CELF2: variants seen among roughly 807,000 people sequenced by gnomAD.
CELF2 encodes the protein CUG triplet repeat RNA-binding protein 2.
A neutral mutation model predicts 62.6 loss-of-function variants in CELF2; 8 were observed. The observed-to-expected ratio is 0.13, with a 90% CI of 0.07 to 0.23. CELF2 has a LOEUF of 0.23. Ranked by LOEUF, CELF2 falls within the 10% of genes least tolerant of loss-of-function variation. The pLI, the probability that CELF2 is intolerant of heterozygous loss-of-function variation, is 1.00. For missense variants in CELF2, 333 were observed against 671.0 expected, an observed-to-expected ratio of 0.50 and a Z score of 5.56; for synonymous variants, 258 against 250.0, an observed-to-expected ratio of 1.03 and a Z score of -0.30.
chr10:11,307,402 G>A (rs2094303795), intron 9 of CELF2, among the ~76,000 whole-genome samples: 1 of 152,252 alleles, frequency 6.6e-6, no homozygotes, highest in Non-Finnish European at 1.5e-5. Context: ...ATCAGTGGCT[G>A]TGCAGTCATC....
At chr10:10,998,243 C>A (rs569703469) in intron 2 of CELF2, among the ~76,000 whole-genome samples, 5 of 152,272 alleles carry the variant, frequency 3.3e-5, no homozygotes, top group Admixed American at 6.5e-5. Flanking sequence ...AGCCCCAAAC[C>A]TTTCATGGCT....
chr10:11,276,834 G>A (rs1428532535), intron 8 of CELF2, among the ~76,000 whole-genome samples: 1 of 152,258 alleles, frequency 6.6e-6, no homozygotes, highest in East Asian at 1.9e-4. Flanking sequence ...AGGTCAGGAT[G>A]CCAGCCCCTG....
chr10:11,114,682 G>A (rs2143444132), intron 1 of CELF2, among the ~76,000 whole-genome samples: 1 of 152,302 alleles, frequency 6.6e-6, no homozygotes. Flanking sequence ...AGTGGCAATG[G>A]GTTGGCCACA....
At chr10:10,556,036 T>A in the CELF2 span, among the ~76,000 whole-genome samples, 9 of 152,024 alleles carry the variant, frequency 5.9e-5, no homozygotes, top group South Asian at 2.1e-4. Context: ...CATTTTAAAA[T>A]TTTTTTTTAT....
chr10:11,130,239 AGTTT>A (rs1564863048), intron 1 of CELF2, among the ~76,000 whole-genome samples: 2 of 152,302 alleles, frequency 1.3e-5, no homozygotes, highest in East Asian at 3.9e-4. Context: ...TCTGAGAAAC[AGTTT>A]GTTGTAATTT....
chr10:10,585,070 A>T, the CELF2 span, among the ~76,000 whole-genome samples: 1 of 152,184 alleles, frequency 6.6e-6, no homozygotes, highest in African/African-American at 2.4e-5. Context: ...TCATCTAGTA[A>T]AATAGCCCTT....
At chr10:10,673,848 C>T in the CELF2 span, among the ~76,000 whole-genome samples, 1 of 151,964 alleles carries the variant, frequency 6.6e-6, no homozygotes, top group Non-Finnish European at 1.5e-5. Flanking sequence ...TCTCTTTTAT[C>T]ATTGATTTCT....
the CELF2 span, among the ~76,000 whole-genome samples, chr10:10,778,708 T>TA: frequency 1.3e-5 from 2 of 152,170 alleles, no homozygotes; most frequent in Non-Finnish European, 2.9e-5. Context: ...TAAATATATG[T>TA]AAAAAATGAA....
chr10:11,116,100 C>T (rs114283257), intron 1 of CELF2, among the ~76,000 whole-genome samples: 8,446 of 152,108 alleles, frequency 0.056, 272 homozygotes, highest in Middle Eastern at 0.065. Context: ...CGTAATTTCT[C>T]GATAAAATCC....
the CELF2 span, among the ~76,000 whole-genome samples, chr10:10,486,395 A>G: frequency 6.6e-6 from 1 of 152,238 alleles, no homozygotes; most frequent in Non-Finnish European, 1.5e-5. Context: ...GCTAAACATC[A>G]GAGCTCAAAT....
At chr10:10,620,293 G>A in the CELF2 span, among the ~76,000 whole-genome samples, 1 of 152,066 alleles carries the variant, frequency 6.6e-6, no homozygotes, top group Non-Finnish European at 1.5e-5. Context: ...AGCTACACAG[G>A]AGGCTGAGGT....
chr10:11,129,427 T>C (rs2059269329), intron 1 of CELF2, among the ~76,000 whole-genome samples: 1 of 152,220 alleles, frequency 6.6e-6, no homozygotes, highest in South Asian at 2.1e-4. Flanking sequence ...CTTTTTCTAT[T>C]GATTGGAATA....
At chr10:11,257,922 C>G in intron 5 of CELF2, 50 bp downstream of exon 5, 6 of 1,605,682 alleles carry the variant, frequency 3.7e-6, no homozygotes, top group Non-Finnish European at 5.1e-6. Context: ...AATTGGAGCT[C>G]TGTGTCACAG....
intron 1 of CELF2, among the ~76,000 whole-genome samples, chr10:11,146,810 G>A (rs76934232): frequency 0.056 from 8,532 of 152,260 alleles, 287 homozygotes; most frequent in African/African-American, 0.087. Flanking sequence ...CACATCCCCA[G>A]GTGTGTTTAT....
intron 1 of CELF2, among the ~76,000 whole-genome samples, chr10:11,060,375 T>A (rs1301357804): frequency 6.6e-6 from 1 of 152,224 alleles, no homozygotes. Flanking sequence ...AAGGTACAAG[T>A]ATGCCAGATT....
the CELF2 span, among the ~76,000 whole-genome samples, chr10:10,772,327 C>A: frequency 6.6e-6 from 1 of 152,116 alleles, no homozygotes; most frequent in Non-Finnish European, 1.5e-5. Flanking sequence ...GCTCTCTAAG[C>A]CTAGTTTCAA....
At chr10:10,710,808 C>G in the CELF2 span, among the ~76,000 whole-genome samples, 4 of 152,100 alleles carry the variant, frequency 2.6e-5, no homozygotes, top group Non-Finnish European at 5.9e-5. Context: ...TTAATACCCT[C>G]CTCATTTTCT....
the CELF2 span, among the ~76,000 whole-genome samples, chr10:10,535,920 T>C: frequency 6.6e-6 from 1 of 151,912 alleles, no homozygotes; most frequent in African/African-American, 2.4e-5. Context: ...AGCAAACCTG[T>C]GGGATAAATA....
At chr10:11,139,668 A>G (rs1461887849) in intron 1 of CELF2, among the ~76,000 whole-genome samples, 1 of 152,150 alleles carries the variant, frequency 6.6e-6, no homozygotes, top group African/African-American at 2.4e-5. Context: ...TCTTTCCATT[A>G]TTAGTCTATT....
Sources: gnomAD v4.1 joint callset for allele counts (sites outside exome capture counted in the v4.1 genomes callset) on GRCh38, gnomAD v4.1.1 for gene constraint, MANE v1.5 for transcripts, NCBI Gene and HGNC (gene_info 2026-07-23, HGNC 2026-07-21) for gene names.